GRIP1: variants seen among roughly 807,000 people sequenced by gnomAD.
The protein encoded by GRIP1 is glutamate receptor-interacting protein 1.
GRIP1 carries 45 observed loss-of-function variants against 129.9 expected under a neutral mutation model. The ratio of observed to expected loss-of-function variants is 0.35; its 90% CI spans 0.27 to 0.44. GRIP1 has a LOEUF of 0.44. GRIP1 is among the 20% of genes least tolerant of loss of function. GRIP1 has a pLI of 1.00. For missense variants in GRIP1, 1,196 were observed against 1,396.8 expected (o/e 0.86, Z 2.29); for synonymous variants, 530 against 520.8 (o/e 1.02, Z -0.24).
chr12:67,015,210 C>A (rs2042768251), intron 1 of GRIP1, among the ~76,000 whole-genome samples: 1 of 152,150 alleles, frequency 6.6e-6, no homozygotes. Context: ...TGATATTCTG[C>A]AGCACATTAA....
intron 1 of GRIP1, among the ~76,000 whole-genome samples, chr12:66,787,886 G>A (rs763025862): frequency 9.9e-5 from 15 of 152,096 alleles, no homozygotes; most frequent in East Asian, 3.9e-4. Context: ...GAAGGGTGCC[G>A]TGGGCCTTAG....
chr12:66,990,056 A>G (rs1053832042), intron 1 of GRIP1, among the ~76,000 whole-genome samples: 10 of 152,230 alleles, frequency 6.6e-5, no homozygotes, highest in African/African-American at 2.4e-4. Context: ...CTAGCAACAT[A>G]TTAGATATAA....
At chr12:66,848,463 C>A (rs2039856753) in intron 1 of GRIP1, among the ~76,000 whole-genome samples, 1 of 152,010 alleles carries the variant, frequency 6.6e-6, no homozygotes, top group Non-Finnish European at 1.5e-5. Context: ...GCTGACCATC[C>A]AACAATTACA....
At chr12:66,517,015 C>T (rs1255482847) in intron 6 of GRIP1, among the ~76,000 whole-genome samples, 1 of 152,128 alleles carries the variant, frequency 6.6e-6, no homozygotes, top group Non-Finnish European at 1.5e-5. Flanking sequence ...ACCAAGCCCT[C>T]AGAACAGTCC....
rs551199791 is a variant in GRIP1 at position 66,413,340 on chromosome 12, G to A, written c.1839-6912C>T. On this transcript the variant is annotated intron_variant, in intron 15 of 24. Coordinates refer to ENST00000359742, the MANE Select transcript of GRIP1 (RefSeq NM_001366722.1). ...CTACTACTTGGAAATTGAACAGCCT[G>A]CCCCTGAGTGAACCTTGGGTGAATA... Among the ~76,000 whole-genome samples the A allele has an allele frequency of 2.6e-4, 40 of 152,252 alleles. 1 individual carries two copies. Among genetic ancestry groups the A allele is most frequent in the African/African-American group, 9.4e-4 (39 of 41,548 alleles).
At chr12:66,418,002 A>G (rs772964572) in intron 15 of GRIP1, among the ~76,000 whole-genome samples, 3 of 152,200 alleles carry the variant, frequency 2.0e-5, no homozygotes, top group Non-Finnish European at 2.9e-5. Flanking sequence ...CAAAAAGAAC[A>G]AAACTGGAAG....
chr12:66,613,541 T>C (rs1333667963), intron 1 of GRIP1, among the ~76,000 whole-genome samples: 1 of 152,180 alleles, frequency 6.6e-6, no homozygotes, highest in Admixed American at 6.5e-5. Flanking sequence ...CTGGTATCCT[T>C]GCTTTACATG....
intron 1 of GRIP1, among the ~76,000 whole-genome samples, chr12:66,842,512 A>G (rs2039737948): frequency 6.6e-6 from 1 of 152,166 alleles, no homozygotes; most frequent in African/African-American, 2.4e-5. Flanking sequence ...GTTAACAGTA[A>G]GTATTAACAC....
At chr12:66,785,343 C>CATACATACATACATATATATATAT (rs377630345) in intron 1 of GRIP1, among the ~76,000 whole-genome samples, 16 of 72,784 alleles carry the variant, frequency 2.2e-4, no homozygotes, top group South Asian at 1.2e-3. Context: ...TACATACATA[C>CATACATACATACATATATATATAT]ATATATATAT....
At chr12:66,426,296 C>T (rs1186687399) in intron 14 of GRIP1, among the ~76,000 whole-genome samples, 2 of 152,124 alleles carry the variant, frequency 1.3e-5, no homozygotes, top group Non-Finnish European at 2.9e-5. Flanking sequence ...TTGTACTCAA[C>T]CTGTATAATT....
intron 1 of GRIP1, among the ~76,000 whole-genome samples, chr12:66,904,003 G>C (rs2137281831): frequency 6.6e-6 from 1 of 152,268 alleles, no homozygotes; most frequent in Non-Finnish European, 1.5e-5. Context: ...TAGGATACTG[G>C]GTATTTCTTC....
chr12:66,350,939 A>C (rs189410913), intron 24 of GRIP1, among the ~76,000 whole-genome samples: 1 of 152,338 alleles, frequency 6.6e-6, no homozygotes, highest in East Asian at 1.9e-4. Flanking sequence ...TTATAATCTG[A>C]ATGTAGTCTA....
chr12:66,352,244 A>T (rs1475144186), intron 24 of GRIP1, among the ~76,000 whole-genome samples: 1 of 152,152 alleles, frequency 6.6e-6, no homozygotes, highest in Non-Finnish European at 1.5e-5. Flanking sequence ...AAGAATGGAG[A>T]GGCAGGAAAG....
At chr12:66,805,883 C>G (rs1228811712), upstream of GRIP1, among the ~76,000 whole-genome samples, 1 of 151,606 alleles carries the variant, frequency 6.6e-6, no homozygotes, top group Non-Finnish European at 1.5e-5. Flanking sequence ...GAAAGAAACA[C>G]TAACTTAATG....
chr12:66,845,931 C>T (rs979390200), intron 1 of GRIP1, among the ~76,000 whole-genome samples: 4 of 152,142 alleles, frequency 2.6e-5, no homozygotes, highest in Non-Finnish European at 4.4e-5. Flanking sequence ...TCTACTCCTA[C>T]TCCTCTCCCA....
At chr12:66,576,645 G>T (rs917080273) in intron 2 of GRIP1, among the ~76,000 whole-genome samples, 3 of 152,186 alleles carry the variant, frequency 2.0e-5, no homozygotes, top group African/African-American at 7.2e-5. Flanking sequence ...ACAAAAGAGG[G>T]ATAACACCTC....
intron 19 of GRIP1, among the ~76,000 whole-genome samples, chr12:66,383,897 T>A (rs2056236864): frequency 6.6e-6 from 1 of 152,204 alleles, no homozygotes; most frequent in African/African-American, 2.4e-5. Flanking sequence ...GCTCCTTACA[T>A]CTTTGCTACT....
intron 2 of GRIP1, among the ~76,000 whole-genome samples, chr12:66,582,472 G>A (rs1592595015): frequency 6.7e-6 from 1 of 149,434 alleles, no homozygotes. Context: ...AATTGTCTCT[G>A]TTTGCAGATG....
chr12:66,568,843 G>A (rs918275143), intron 2 of GRIP1: 3 of 428,188 alleles, frequency 7.0e-6, no homozygotes, highest in South Asian at 3.8e-5. Flanking sequence ...ATTAGTACAG[G>A]TCCAACTGGT....
Sources: allele counts gnomAD v4.1 joint callset (sites outside exome capture counted in the v4.1 genomes callset), GRCh38; gene constraint gnomAD v4.1.1; transcripts MANE v1.5; gene names NCBI Gene and HGNC (gene_info 2026-07-23, HGNC 2026-07-21).